Variants in DCUN1D3 observed in about 807,000 individuals in gnomAD.
DCUN1D3 encodes DCN1-like protein 3.
A neutral mutation model predicts 24.8 loss-of-function variants in DCUN1D3; 6 were observed. That is an observed-to-expected ratio of 0.24 (90% confidence interval 0.13 to 0.48). The LOEUF (loss-of-function observed/expected upper bound fraction) is 0.48, where lower values mean the gene tolerates loss of function less well. DCUN1D3 is among the 20% of genes least tolerant of loss of function. DCUN1D3 has a pLI of 0.99. For missense variants in DCUN1D3, 258 were observed against 379.4 expected (o/e 0.68, Z 2.66); for synonymous variants, 120 against 144.9 (o/e 0.83, Z 1.24).
At chr16:20,882,209 G>T (rs1177246956) in intron 1 of DCUN1D3, among the ~76,000 whole-genome samples, 1 of 151,060 alleles carries the variant, frequency 6.6e-6, no homozygotes, top group Non-Finnish European at 1.5e-5. Context: ...CTTCCTGACT[G>T]AGAGCCTCTC....
chr16:20,873,909 C>T (rs923124308), intron 1 of DCUN1D3, among the ~76,000 whole-genome samples: 1 of 152,060 alleles, frequency 6.6e-6, no homozygotes, highest in Admixed American at 6.5e-5. Flanking sequence ...ATGTAGAACC[C>T]AAAAATGAAA....
At chr16:20,876,779 T>C (rs2081817884) in intron 1 of DCUN1D3, among the ~76,000 whole-genome samples, 1 of 152,138 alleles carries the variant, frequency 6.6e-6, no homozygotes, top group Non-Finnish European at 1.5e-5. Flanking sequence ...CATAAAAAAG[T>C]ATGAAACCCT....
intron 1 of DCUN1D3, among the ~76,000 whole-genome samples, chr16:20,872,574 G>A (rs1187251242): frequency 6.6e-6 from 1 of 151,650 alleles, no homozygotes; most frequent in Non-Finnish European, 1.5e-5. Flanking sequence ...GGAAGAGGAA[G>A]AGGGACAGAA....
intron 1 of DCUN1D3, among the ~76,000 whole-genome samples, chr16:20,876,318 G>A (rs1397703632): frequency 6.6e-6 from 1 of 151,706 alleles, no homozygotes; most frequent in African/African-American, 2.4e-5. Flanking sequence ...TTCTCAAAAG[G>A]AGACATGAAA....
chr16:20,894,293 A>G (rs560796221), intron 1 of DCUN1D3, among the ~76,000 whole-genome samples: 1 of 152,142 alleles, frequency 6.6e-6, no homozygotes, highest in Non-Finnish European at 1.5e-5. Flanking sequence ...AAATGAATAC[A>G]TAATAAATCA....
intron 1 of DCUN1D3, among the ~76,000 whole-genome samples, chr16:20,884,696 C>T (rs1245865699): frequency 2.0e-5 from 3 of 152,106 alleles, no homozygotes; most frequent in South Asian, 2.1e-4. Flanking sequence ...ACACAGGTCA[C>T]GACACCTCTC....
Position 20,860,387 on chromosome 16 carries a change from AG to A in DCUN1D3, c.432-19del. On this transcript the variant is annotated intron_variant, in intron 2 of 2. Transcript: ENST00000324344. The surrounding 1 kb of genome is among the most constrained non-coding windows in gnomAD (Gnocchi z 4.3). The stretch of plus-strand genomic sequence containing the variant: ...ACTCCTTCCTGCAACAGAAAGGAAA[AG>A]GACAATTAATCATTATAAACTATAC... 1 of 1,602,448 alleles carries A rather than the reference AG, an allele frequency of 6.2e-7. No homozygotes were observed. Among genetic ancestry groups the A allele is most frequent in the Non-Finnish European group, 8.5e-7 (1 of 1,174,364 alleles).
At chr16:20,892,393 T>C (rs1341176648) in intron 1 of DCUN1D3, among the ~76,000 whole-genome samples, 1 of 152,166 alleles carries the variant, frequency 6.6e-6, no homozygotes, top group African/African-American at 2.4e-5. Flanking sequence ...TGCTGTCTCA[T>C]AGGACCCACA....
In DCUN1D3 at chr16:20,860,205, G is replaced by C; in HGVS notation, c.596C>G (p.Ser199Ter). 6.2e-7 allele frequency: 1 copy of C among 1,614,230 alleles called. No homozygotes were observed. The highest frequency in any genetic ancestry group is 8.5e-7 in the Non-Finnish European group (1 of 1,180,052). ...FGLDSEEGQRSLHREIAIALW... is the reference protein window; with the variant it reads ...FGLDSEEGQR ...GGCAATGGCTATTTCCCGATGCAGT[G>C]ACCGCTGCCCTTCTTCAGAGTCCAG... The change falls in exon 3 of 3, where the codon TCA becomes TGA. Residue 199 changes from serine (S) to a stop codon, truncating the protein, a stop_gained. Coordinates refer to ENST00000324344, the MANE Select transcript of DCUN1D3 (RefSeq NM_173475.4). LOFTEE classifies it high-confidence loss of function. This position sits in a 1 kb window ranked among gnomAD's most constrained non-coding sequence, Gnocchi z 4.3.
At chr16:20,867,046 T>C (rs1234031656) in intron 1 of DCUN1D3, among the ~76,000 whole-genome samples, 2 of 152,200 alleles carry the variant, frequency 1.3e-5, no homozygotes, top group South Asian at 2.1e-4. Context: ...TCATCAATTA[T>C]TGAGCACTTG....
intron 1 of DCUN1D3, among the ~76,000 whole-genome samples, chr16:20,886,064 GAAA>G (rs34484157): frequency 5.1e-5 from 7 of 136,512 alleles, no homozygotes; most frequent in Non-Finnish European, 9.3e-5. Context: ...TTTTTTCATT[GAAA>G]AAAAAAAAAA....
In DCUN1D3 at chr16:20,854,947, A is replaced by C. The variant is rs986306785; in HGVS notation, c.*4939T>G. On this transcript the variant is annotated 3_prime_UTR_variant, in exon 3 of 3. Coordinates refer to ENST00000324344, the MANE Select transcript of DCUN1D3 (RefSeq NM_173475.4). ...ATATTCAAGTAAACAAATTTATTAA[A>C]TCCAACAGCAGGTAACCTTCCAAAT... The C allele has an allele frequency of 3.9e-5, 6 of 152,654 alleles. No homozygotes were observed. Among genetic ancestry groups the C allele is most frequent in the Non-Finnish European group, 7.4e-5 (5 of 68,008 alleles). The allele number at this position is 152,654 out of a possible 1,614,324, so 9.5% of individuals were successfully genotyped here. A position where few individuals can be genotyped will look rare whatever the true frequency, so the allele number is the denominator to read the frequency against.
chr16:20,882,797 C>T (rs995890212), intron 1 of DCUN1D3, among the ~76,000 whole-genome samples: 1 of 152,224 alleles, frequency 6.6e-6, no homozygotes, highest in Non-Finnish European at 1.5e-5. Context: ...ACTTTGAATA[C>T]AACCATGAAA....
intron 1 of DCUN1D3, among the ~76,000 whole-genome samples, chr16:20,883,186 A>G (rs2152518155): frequency 6.6e-6 from 1 of 152,286 alleles, no homozygotes; most frequent in African/African-American, 2.4e-5. Flanking sequence ...TCAGAGTTTC[A>G]GTAACTTCAG....
Position 20,859,694 on chromosome 16 carries a change from C to G in DCUN1D3, c.*192G>C, listed in dbSNP as rs1372888951. The G allele has an allele frequency of 1.4e-6, 1 of 714,188 alleles. No individual in the cohort carries two copies. The highest frequency in any genetic ancestry group is 1.8e-5 in the African/African-American group (1 of 55,932). The allele number at this position is 714,188 out of a possible 1,614,324, so 44.2% of individuals were successfully genotyped here. ...GGAGATCCCCCCAAAAAGGAAATAA[C>G]CAAAATAACCAAAAAAATGAAGAAA... On this transcript the variant is annotated 3_prime_UTR_variant, in exon 3 of 3. Coordinates refer to ENST00000324344, the MANE Select transcript of DCUN1D3 (RefSeq NM_173475.4).
chr16:20,870,241 G>T (rs939844006), intron 1 of DCUN1D3, among the ~76,000 whole-genome samples: 2 of 152,184 alleles, frequency 1.3e-5, no homozygotes, highest in Non-Finnish European at 2.9e-5. Context: ...CCTAAGGACA[G>T]GCACTTTGCC....
chr16:20,892,756 G>A (rs1470652169), intron 1 of DCUN1D3, among the ~76,000 whole-genome samples: 1 of 151,878 alleles, frequency 6.6e-6, no homozygotes, highest in Non-Finnish European at 1.5e-5. Context: ...GGGTTGGTTT[G>A]GGGGGGAAAA....
At chr16:20,867,264 A>C (rs1434919319) in intron 1 of DCUN1D3, among the ~76,000 whole-genome samples, 1 of 152,132 alleles carries the variant, frequency 6.6e-6, no homozygotes, top group Non-Finnish European at 1.5e-5. Flanking sequence ...CACATGACGG[A>C]CCGGCCCCAA....
intron 1 of DCUN1D3, among the ~76,000 whole-genome samples, chr16:20,871,383 G>A (rs569856723): frequency 1.3e-5 from 2 of 152,190 alleles, no homozygotes; most frequent in Non-Finnish European, 2.9e-5. Flanking sequence ...GAGAAAGGGG[G>A]TAGGGAGGAC....
Sources: gnomAD v4.1 joint callset for allele counts (sites outside exome capture counted in the v4.1 genomes callset) on GRCh38, gnomAD v4.1.1 for gene constraint, Gnocchi (gnomAD v3.1) non-coding constraint, MANE v1.5 for transcripts, NCBI Gene and HGNC (gene_info 2026-07-23, HGNC 2026-07-21) for gene names.